AMBRA1: variants seen among roughly 807,000 people sequenced by gnomAD.
AMBRA1 encodes activating molecule in BECN1-regulated autophagy protein 1.
In AMBRA1, 47 loss-of-function variants were observed where a neutral mutation model predicts 125.4. The observed-to-expected ratio is 0.37, with a 90% CI of 0.30 to 0.48. AMBRA1 has a LOEUF of 0.48. Ranked by LOEUF, AMBRA1 falls within the 20% of genes least tolerant of loss-of-function variation. AMBRA1 has a pLI of 0.99. For synonymous variants in AMBRA1, 626 were observed against 655.5 expected, an observed-to-expected ratio of 0.95 and a Z score of 0.69; for missense variants, 1,331 against 1,693.4, an observed-to-expected ratio of 0.79 and a Z score of 3.76.
At chr11:46,515,965 T>C (rs1951462196) in intron 7 of AMBRA1, among the ~76,000 whole-genome samples, 1 of 152,124 alleles carries the variant, frequency 6.6e-6, no homozygotes, top group Non-Finnish European at 1.5e-5. Context: ...TGAGCCACTG[T>C]GCTGGCCTTA....
chr11:46,499,665 T>C (rs1950762082), intron 9 of AMBRA1, among the ~76,000 whole-genome samples: 1 of 152,128 alleles, frequency 6.6e-6, no homozygotes, highest in African/African-American at 2.4e-5. Context: ...TTCTTTTTTT[T>C]CTTTTTTTTG....
intron 17 of AMBRA1, among the ~76,000 whole-genome samples, chr11:46,398,357 A>G (rs1343060082): frequency 1.3e-5 from 2 of 152,206 alleles, no homozygotes; most frequent in African/African-American, 2.4e-5. Flanking sequence ...TTTCTCTGCA[A>G]AGAGAGTAGG....
At chr11:46,416,643 A>G (rs1445642875) in intron 15 of AMBRA1, among the ~76,000 whole-genome samples, 1 of 152,210 alleles carries the variant, frequency 6.6e-6, no homozygotes, top group African/African-American at 2.4e-5. Flanking sequence ...ATCCCATCAA[A>G]AGGCAACACG....
chr11:46,441,970 CTTTTTTTTTT>C (rs764444865), intron 12 of AMBRA1, among the ~76,000 whole-genome samples: 1 of 116,628 alleles, frequency 8.6e-6, no homozygotes, highest in African/African-American at 3.4e-5. Flanking sequence ...AAAAAAAAAA[CTTTTTTTTTT>C]TTTTTTTTGA....
intron 11 of AMBRA1, among the ~76,000 whole-genome samples, chr11:46,459,563 TA>T (rs758751727): frequency 1.2e-3 from 175 of 151,954 alleles, no homozygotes; most frequent in Non-Finnish European, 2.1e-3. Context: ...ATACAAAAAG[TA>T]GCTGGGCATG....
intron 12 of AMBRA1, 92 bp downstream of exon 12, chr11:46,443,396 G>T: frequency 3.1e-6 from 3 of 972,128 alleles, no homozygotes; most frequent in South Asian, 1.4e-5. Flanking sequence ...TCAATAGGAT[G>T]ATGAAAAACC....
chr11:46,517,477 T>C (rs975736415), intron 7 of AMBRA1, among the ~76,000 whole-genome samples: 34 of 142,218 alleles, frequency 2.4e-4, no homozygotes, highest in African/African-American at 8.9e-4. Context: ...AAGGTTTTTT[T>C]TTTTTTTTTT....
rs143851700 is a variant in AMBRA1, at chr11:46,548,744, G to A, written c.-120-244C>T. 6.8e-3 allele frequency among the ~76,000 whole-genome samples: 1,040 copies of A among 152,240 alleles called. 1 individual carries two copies. The highest frequency in any genetic ancestry group is 0.021 in the South Asian group (102 of 4,818). On this transcript the variant is annotated intron_variant, in intron 1 of 17. Transcript: ENST00000683756. The stretch of plus-strand genomic sequence containing the variant: ...ACAGTGGCTCACGCCTGTAATCCCC[G>A]AACTTTGGGAAGCCAAGGAGATTGG...
At chr11:46,417,330 A>G (rs1412861691) in intron 15 of AMBRA1, among the ~76,000 whole-genome samples, 3 of 152,178 alleles carry the variant, frequency 2.0e-5, no homozygotes, top group Non-Finnish European at 4.4e-5. Flanking sequence ...GATTACAGGC[A>G]TGAGCCACTG....
chr11:46,459,144 C>T (rs368063703), intron 11 of AMBRA1, among the ~76,000 whole-genome samples: 8 of 152,126 alleles, frequency 5.3e-5, no homozygotes, highest in East Asian at 1.9e-4. Flanking sequence ...TCTAGATACA[C>T]GGACAGACAG....
intron 17 of AMBRA1, 130 bp from the exon 18 acceptor site, chr11:46,398,073 A>T (rs72910097): frequency 1.1e-5 from 14 of 1,230,898 alleles, no homozygotes; most frequent in South Asian, 1.6e-5. Context: ...TCGCTCCATC[A>T]CTGTGAAAAC....
intron 7 of AMBRA1, among the ~76,000 whole-genome samples, chr11:46,538,037 C>A (rs2135152503): frequency 6.6e-6 from 1 of 152,322 alleles, no homozygotes; most frequent in South Asian, 2.1e-4. Context: ...GAACTAGAAG[C>A]AAGGGTTGGC....
In AMBRA1 at chr11:46,548,460, A is replaced by C; in HGVS notation, c.-80T>G. ...GCTCCAACACACTGAAGCAGCTAAA[A>C]TGAGGCCATACAGGTCCTTGTAAGT... On this transcript the variant is annotated 5_prime_UTR_variant, in exon 2 of 18. Coordinates refer to ENST00000683756, the MANE Select transcript of AMBRA1 (RefSeq NM_001387011.1). 1 of 1,577,894 alleles carries C rather than the reference A, an allele frequency of 6.3e-7. No homozygotes were observed. The highest frequency in any genetic ancestry group is 8.6e-7 in the Non-Finnish European group (1 of 1,159,586).
intron 11 of AMBRA1, among the ~76,000 whole-genome samples, chr11:46,449,209 C>A (rs575768768): frequency 6.6e-6 from 1 of 152,148 alleles, no homozygotes; most frequent in Non-Finnish European, 1.5e-5. Flanking sequence ...AACCACCCCC[C>A]ACCGCAAAAC....
intron 11 of AMBRA1, among the ~76,000 whole-genome samples, chr11:46,490,265 G>A (rs1950414913): frequency 6.6e-6 from 1 of 152,172 alleles, no homozygotes; most frequent in Non-Finnish European, 1.5e-5. Context: ...TCTAGAATTT[G>A]TGTTGCTGAT....
intron 7 of AMBRA1, among the ~76,000 whole-genome samples, chr11:46,519,698 T>C (rs773710070): frequency 4.7e-4 from 71 of 152,202 alleles, no homozygotes; most frequent in Non-Finnish European, 1.0e-4. Flanking sequence ...ATTAACAGCT[T>C]CCTTCTGCCT....
intron 1 of AMBRA1, among the ~76,000 whole-genome samples, chr11:46,579,505 C>A (rs1381341629): frequency 6.6e-6 from 1 of 151,906 alleles, no homozygotes; most frequent in Admixed American, 6.6e-5. Flanking sequence ...GTAGATAAAC[C>A]CTTAAGGCCA....
At chr11:46,522,614 G>T (rs1182710484) in intron 7 of AMBRA1, among the ~76,000 whole-genome samples, 1 of 152,172 alleles carries the variant, frequency 6.6e-6, no homozygotes, top group African/African-American at 2.4e-5. Flanking sequence ...AATTTAAGAG[G>T]CAGTGTATCC....
rs1952682865 is a variant in AMBRA1, at chr11:46,540,433, A to G, written c.2072+1512T>C. Among the ~76,000 whole-genome samples, 3 of 152,212 alleles carry G rather than the reference A, an allele frequency of 2.0e-5. No homozygotes were observed. The South Asian group carries it at 6.2e-4, about 32-fold the overall frequency. The stretch of plus-strand genomic sequence containing the variant: ...GAGGCTCGGGCTCCTGATGAAGACC[A>G]GTATGCCAGGCACAATATTCCAAAA... On this transcript the variant is annotated intron_variant, in intron 7 of 17. Transcript: ENST00000683756.
Sources: gnomAD v4.1 joint callset for allele counts (sites outside exome capture counted in the v4.1 genomes callset) on GRCh38, gnomAD v4.1.1 for gene constraint, MANE v1.5 for transcripts, NCBI Gene and HGNC (gene_info 2026-07-23, HGNC 2026-07-21) for gene names.